PCDHGA1: variants seen among roughly 807,000 people sequenced by gnomAD.
PCDHGA1 encodes protocadherin gamma-A1.
PCDHGA1 carries 32 observed loss-of-function variants against 58.0 expected under a neutral mutation model. That is an observed-to-expected ratio of 0.55 (90% CI 0.42 to 0.74). The LOEUF (loss-of-function observed/expected upper bound fraction) is 0.74. Ranked by LOEUF, PCDHGA1 falls within the 30% of genes least tolerant of loss-of-function variation. The pLI, the probability that PCDHGA1 is intolerant of heterozygous loss-of-function variation, is 0.00. For missense variants in PCDHGA1, 1,205 were observed against 1,182.3 expected (o/e 1.02, Z -0.28); for synonymous variants, 498 against 501.1 (o/e 0.99, Z 0.08).
At chr5:141,394,101 C>A (rs753056702) in intron 1 of PCDHGA1, 7 of 1,613,944 alleles carry the variant, frequency 4.3e-6, no homozygotes, top group Middle Eastern at 1.6e-4. Flanking sequence ...TCTAGGAACA[C>A]CACCTCTGTC....
chr5:141,330,863 C>T lies in PCDHGA1; in HGVS notation c.179C>T (p.Ala60Val), dbSNP rs1278410062. Reference protein sequence around the residue: ...KDLGLQPQELADGGVRIVSRG... With the variant: ...KDLGLQPQELVDGGVRIVSRG... ...CTAGGGCTGCAACCCCAGGAGCTGGCAGATGGCGGAGTCCGCATCGTCTCC... is the reference window on the plus strand; with the variant it reads ...CTAGGGCTGCAACCCCAGGAGCTGGTAGATGGCGGAGTCCGCATCGTCTCC... The change falls in exon 1 of 4, where the codon GCA becomes GTA. Residue 60 changes from alanine (A) to valine (V), a missense_variant. Ala to Val is a moderately conservative substitution (Grantham distance 64). Coordinates refer to ENST00000517417, the MANE Select transcript of PCDHGA1 (RefSeq NM_018912.3). 2.5e-6 allele frequency: 4 copies of T among 1,614,086 alleles called. No homozygotes were observed. Among genetic ancestry groups the T allele is most frequent in the Non-Finnish European group, 3.4e-6 (4 of 1,180,048 alleles).
At chr5:141,383,464 A>C (rs368298668) in intron 1 of PCDHGA1, 99 of 1,613,728 alleles carry the variant, frequency 6.1e-5, no homozygotes, top group Non-Finnish European at 8.2e-5. Context: ...AGACGATGAA[A>C]CTAAGTACCC....
intron 1 of PCDHGA1, among the ~76,000 whole-genome samples, chr5:141,407,092 T>C (rs917246877): frequency 1.3e-5 from 2 of 152,360 alleles, no homozygotes; most frequent in Admixed American, 6.5e-5. Context: ...AGAATTGTTT[T>C]ATTTGTTTGT....
chr5:141,491,119 G>A lies in PCDHGA1; in HGVS notation c.2422-3688G>A. 6.2e-7 allele frequency: 1 copy of A among 1,614,216 alleles called. No individual in the cohort carries two copies. The highest frequency in any genetic ancestry group is 1.1e-5 in the South Asian group (1 of 91,086). ...GTTCCTCGTGTCTACACACACTGGT[G>A]AGGTGCGCACAGCCCGGGCCTTACT... On this transcript the variant is annotated intron_variant, in intron 1 of 3. Transcript: ENST00000517417. The surrounding 1 kb of genome is among the most constrained non-coding windows in gnomAD (Gnocchi z 6.9).
At chr5:141,370,552 A>T in intron 1 of PCDHGA1, 2 of 1,613,806 alleles carry the variant, frequency 1.2e-6, no homozygotes, top group Non-Finnish European at 1.7e-6. Context: ...CTCGCCAAGG[A>T]CCTGGGGTTT....
chr5:141,356,972 T>G, intron 1 of PCDHGA1: 1 of 1,614,222 alleles, frequency 6.2e-7, no homozygotes, highest in Non-Finnish European at 8.5e-7. Flanking sequence ...GTGACCAAAG[T>G]GGTGGCAGTG....
rs1234743524 is a variant in PCDHGA1, at chr5:141,334,792, A to G, written c.2421+1687A>G. Among the ~76,000 whole-genome samples, 1 of 152,174 alleles carries G rather than the reference A, an allele frequency of 6.6e-6. No homozygotes were observed. Among genetic ancestry groups the G allele is most frequent in the Non-Finnish European group, 1.5e-5 (1 of 68,020 alleles). ...TGTGCATCATTAAAGCGTCATTAAGAGACCTAGTTATGGCCTGGGACCTGA... is the reference window on the plus strand; with the variant it reads ...TGTGCATCATTAAAGCGTCATTAAGGGACCTAGTTATGGCCTGGGACCTGA... On this transcript the variant is annotated intron_variant, in intron 1 of 3. Transcript: ENST00000517417. This position sits in a 1 kb window ranked among gnomAD's most constrained non-coding sequence, Gnocchi z 4.6.
chr5:141,374,365 G>C, intron 1 of PCDHGA1: 1 of 1,614,054 alleles, frequency 6.2e-7, no homozygotes, highest in Non-Finnish European at 8.5e-7. Flanking sequence ...ACCGCGAGGA[G>C]CTCTGTGCTC....
chr5:141,493,250 C>T lies in PCDHGA1; in HGVS notation c.2422-1557C>T, dbSNP rs1330348553. On this transcript the variant is annotated intron_variant, in intron 1 of 3. Coordinates refer to ENST00000517417, the MANE Select transcript of PCDHGA1 (RefSeq NM_018912.3). The surrounding 1 kb of genome is among the most constrained non-coding windows in gnomAD (Gnocchi z 4.3). ...TGCTGTTGGCTAGGTACTAACATGC[C>T]TCTCTTATAACAGCTTCACAGAGGT... Among the ~76,000 whole-genome samples the T allele has an allele frequency of 1.3e-5, 2 of 152,154 alleles. No homozygotes were observed. Among genetic ancestry groups the T allele is most frequent in the Non-Finnish European group, 2.9e-5 (2 of 68,024 alleles).
chr5:141,485,676 G>A lies in PCDHGA1; in HGVS notation c.2422-9131G>A. The A allele has an allele frequency of 6.2e-7, 1 of 1,612,928 alleles. No individual in the cohort carries two copies. The highest frequency in any genetic ancestry group is 2.2e-5 in the East Asian group (1 of 44,848). On this transcript the variant is annotated intron_variant, in intron 1 of 3. Coordinates refer to ENST00000517417, the MANE Select transcript of PCDHGA1 (RefSeq NM_018912.3). This position sits in a 1 kb window ranked among gnomAD's most constrained non-coding sequence, Gnocchi z 5.7. ...GCAGATGTGGGGAGCAATTCGATTA[G>A]CAGCTATAGGCTGAGCTCCAATGAA...
At chr5:141,423,833 T>A in intron 1 of PCDHGA1, 1 of 1,262,398 alleles carries the variant, frequency 7.9e-7, no homozygotes, top group Non-Finnish European at 1.0e-6. Context: ...TTCATGAGAT[T>A]ACGATAATCT....
chr5:141,442,796 T>G (rs909745554), intron 1 of PCDHGA1, among the ~76,000 whole-genome samples: 16 of 152,326 alleles, frequency 1.1e-4, no homozygotes, highest in African/African-American at 3.8e-4. Context: ...AATTTTACTT[T>G]GATATTCAAA....
intron 1 of PCDHGA1, among the ~76,000 whole-genome samples, chr5:141,464,264 AAAAAAAAAAAAAAGC>A (rs974197911): frequency 4.0e-4 from 52 of 130,598 alleles, no homozygotes; most frequent in Non-Finnish European, 6.3e-4. Context: ...GACTCCGTCT[AAAAAAAAAAAAAAGC>A]AAAAAAAAAA....
At chr5:141,375,373 A>G (rs540129406) in intron 1 of PCDHGA1, 113 of 1,613,776 alleles carry the variant, frequency 7.0e-5, no homozygotes, top group Non-Finnish European at 3.2e-5. Flanking sequence ...AAGGAACACC[A>G]CCTCTGTCTA....
At chr5:141,388,552 G>C in intron 1 of PCDHGA1, 1 of 1,613,814 alleles carries the variant, frequency 6.2e-7, no homozygotes, top group Non-Finnish European at 8.5e-7. Flanking sequence ...CCACCCCTAA[G>C]CAGCACTGCA....
Position 141,343,198 on chromosome 5 carries a change from G to A in PCDHGA1, c.2421+10093G>A, listed in dbSNP as rs112545759. ...TAAATCCCCAAACATATTGTCTGAT[G>A]CCTAATTATGTGTTTGTTTAATGAA... On this transcript the variant is annotated intron_variant, in intron 1 of 3. Coordinates refer to ENST00000517417, the MANE Select transcript of PCDHGA1 (RefSeq NM_018912.3). 6.8e-4 allele frequency: 420 copies of A among 620,662 alleles called. 1 individual carries two copies. The African/African-American group carries it at 8.0e-3, about 12-fold the overall frequency. 38.4% of individuals were successfully genotyped at this position (620,662 alleles called of 1,614,324 possible). A position where few individuals can be genotyped will look rare whatever the true frequency, so the allele number is the denominator to read the frequency against.
intron 1 of PCDHGA1, chr5:141,404,726 G>A (rs772532099): frequency 6.2e-7 from 1 of 1,614,094 alleles, no homozygotes; most frequent in Admixed American, 1.7e-5. Context: ...GACCAAGGTG[G>A]TGGCAGTGGA....
At chr5:141,366,853 A>C in intron 1 of PCDHGA1, 1 of 1,431,818 alleles carries the variant, frequency 7.0e-7, no homozygotes, top group Non-Finnish European at 9.4e-7. Flanking sequence ...AAATAGTGGA[A>C]CATTATTTGC....
At chr5:141,383,976 C>G in intron 1 of PCDHGA1, 1 of 1,613,760 alleles carries the variant, frequency 6.2e-7, no homozygotes, top group Non-Finnish European at 8.5e-7. Flanking sequence ...TCCCTGAAGA[C>G]ACACCTCTTG....
Sources: allele counts gnomAD v4.1 joint callset (sites outside exome capture counted in the v4.1 genomes callset), GRCh38; gene constraint gnomAD v4.1.1; non-coding constraint Gnocchi (gnomAD v3.1); transcripts MANE v1.5; gene names NCBI Gene and HGNC (gene_info 2026-07-23, HGNC 2026-07-21).